Variants in DCDC1 observed in about 807,000 individuals in gnomAD.
DCDC1 encodes doublecortin domain-containing protein 1.
DCDC1 carries 200 observed loss-of-function variants against 178.3 expected under a neutral mutation model. The ratio of observed to expected loss-of-function variants is 1.12; its 90% confidence interval spans 1.00 to 1.26. The LOEUF is 1.26. Ranked by LOEUF, DCDC1 falls within the 50% of genes most tolerant of loss-of-function variation. The probability of loss-of-function intolerance (pLI) is 0.00; values close to 1 mark genes in which losing one functional copy is unlikely to be tolerated. For missense variants in DCDC1, 1,983 were observed against 1,749.2 expected (o/e 1.13, Z -2.38); for synonymous variants, 690 against 604.8 (o/e 1.14, Z -2.07).
chr11:31,186,393 A>G (rs1189212147), intron 9 of DCDC1, among the ~76,000 whole-genome samples: 1 of 152,106 alleles, frequency 6.6e-6, no homozygotes, highest in Non-Finnish European at 1.5e-5. Flanking sequence ...GGCCTCCTTG[A>G]GCAGCCACTC....
chr11:31,263,075 T>C, intron 8 of DCDC1: 1 of 1,612,706 alleles, frequency 6.2e-7, no homozygotes, highest in East Asian at 2.2e-5. Flanking sequence ...AGTGCTTTCC[T>C]GTTTTGATAA....
chr11:31,002,578 A>G (rs1951634884), intron 20 of DCDC1, among the ~76,000 whole-genome samples: 1 of 152,148 alleles, frequency 6.6e-6, no homozygotes, highest in Non-Finnish European at 1.5e-5. Flanking sequence ...AGTTTAGGGA[A>G]AGCAGCAAGA....
At chr11:30,933,109 C>T (rs1194063477) in intron 21 of DCDC1, among the ~76,000 whole-genome samples, 1 of 107,528 alleles carries the variant, frequency 9.3e-6, no homozygotes, top group Non-Finnish European at 2.1e-5. Flanking sequence ...TTTTGTTTCT[C>T]TTCAGTTTGT....
In DCDC1 at chr11:30,920,109, T is replaced by C. The variant is rs115334666; in HGVS notation, c.3293+667A>G. 9.8e-3 allele frequency among the ~76,000 whole-genome samples: 1,499 copies of C among 152,264 alleles called. 28 individuals are homozygous for C. Among genetic ancestry groups the C allele is most frequent in the African/African-American group, 0.034 (1,433 of 41,544 alleles). ...TCTGCAACAGAACATAAACAGAATGTGCAATATGCAGGCGACAGCTTGTCG... is the reference window on the plus strand; with the variant it reads ...TCTGCAACAGAACATAAACAGAATGCGCAATATGCAGGCGACAGCTTGTCG... On this transcript the variant is annotated intron_variant, in intron 25 of 38. Transcript: ENST00000684477.
At chr11:31,347,327 G>C (rs544181223) in intron 1 of DCDC1, among the ~76,000 whole-genome samples, 121 of 152,270 alleles carry the variant, frequency 7.9e-4, no homozygotes, top group Non-Finnish European at 1.5e-3. Context: ...TCCTTTCGTA[G>C]CTTGGTCTAG....
At chr11:31,115,913 C>T (rs116541909) in intron 11 of DCDC1, among the ~76,000 whole-genome samples, 1 of 145,410 alleles carries the variant, frequency 6.9e-6, no homozygotes, top group African/African-American at 2.5e-5. Context: ...AGGGTGGGAG[C>T]CTAATCTTGG....
At chr11:31,157,372 A>AAATATATAT (rs71060478) in intron 9 of DCDC1, among the ~76,000 whole-genome samples, 66 of 96,870 alleles carry the variant, frequency 6.8e-4, no homozygotes, top group Non-Finnish European at 1.0e-3. Context: ...AAAAAAAAAA[A>AAATATATAT]ATATATATAT....
chr11:31,071,321 A>T (rs1007912090), intron 18 of DCDC1, among the ~76,000 whole-genome samples: 3 of 152,170 alleles, frequency 2.0e-5, no homozygotes, highest in Non-Finnish European at 4.4e-5. Flanking sequence ...CACCATTCTA[A>T]GTAGTACTAT....
At chr11:31,088,832 G>A (rs1476213942) in intron 17 of DCDC1, among the ~76,000 whole-genome samples, 1 of 152,004 alleles carries the variant, frequency 6.6e-6, no homozygotes, top group Non-Finnish European at 1.5e-5. Flanking sequence ...CAAGGAGCTG[G>A]AACTACAGGT....
chr11:31,315,016 A>G (rs767104374), intron 3 of DCDC1, among the ~76,000 whole-genome samples: 1 of 152,194 alleles, frequency 6.6e-6, no homozygotes, highest in Non-Finnish European at 1.5e-5. Context: ...CTAAAAATAT[A>G]AGAAAATATT....
At chr11:30,930,231 G>C (rs1436587055) in intron 22 of DCDC1, among the ~76,000 whole-genome samples, 1 of 152,048 alleles carries the variant, frequency 6.6e-6, no homozygotes, top group African/African-American at 2.4e-5. Context: ...ACAACTCTAG[G>C]ATGCCATTCA....
chr11:30,915,745 A>C, intron 26 of DCDC1, 34 bp from the exon 27 acceptor site: 1 of 1,583,584 alleles, frequency 6.3e-7, no homozygotes, highest in East Asian at 2.3e-5. Flanking sequence ...GTGGCAGAAA[A>C]ATGTCCCATG....
chr11:30,990,520 T>A (rs945367804), intron 20 of DCDC1, among the ~76,000 whole-genome samples: 1 of 152,002 alleles, frequency 6.6e-6, no homozygotes, highest in African/African-American at 2.4e-5. Flanking sequence ...AGAGACAAGA[T>A]GTGAAACACT....
intron 20 of DCDC1, among the ~76,000 whole-genome samples, chr11:31,043,229 T>C (rs1954596574): frequency 6.6e-6 from 1 of 152,202 alleles, no homozygotes; most frequent in Non-Finnish European, 1.5e-5. Flanking sequence ...TTCCTTATGC[T>C]GTGTAATTGA....
chr11:30,985,227 T>C (rs1000659824), intron 20 of DCDC1, among the ~76,000 whole-genome samples: 3 of 152,070 alleles, frequency 2.0e-5, no homozygotes, highest in South Asian at 2.1e-4. Context: ...AGAAGGGGAG[T>C]CAGAAATGAA....
chr11:31,103,585 G>A, intron 14 of DCDC1, 59 bp downstream of exon 14: 1 of 676,222 alleles, frequency 1.5e-6, no homozygotes, highest in South Asian at 1.7e-5. Flanking sequence ...GAAAAATCCT[G>A]AATTAAGTGA....
At chr11:30,906,310 T>C (rs997801892) in intron 30 of DCDC1, 36 of 442,674 alleles carry the variant, frequency 8.1e-5, no homozygotes, top group African/African-American at 1.2e-4. Flanking sequence ...TGATTAAAGC[T>C]GCAGAAGTGC....
chr11:31,257,670 C>A (rs1196498613), intron 8 of DCDC1, among the ~76,000 whole-genome samples: 2 of 150,166 alleles, frequency 1.3e-5, no homozygotes, highest in Non-Finnish European at 3.0e-5. Context: ...CTGACCCAAG[C>A]ACACATATTT....
chr11:31,037,133 G>A (rs1954092430), intron 20 of DCDC1, among the ~76,000 whole-genome samples: 1 of 152,206 alleles, frequency 6.6e-6, no homozygotes, highest in Non-Finnish European at 1.5e-5. Flanking sequence ...GAAGTAGAGA[G>A]TGGGAATGCT....
Sources: allele counts gnomAD v4.1 joint callset (sites outside exome capture counted in the v4.1 genomes callset), GRCh38; gene constraint gnomAD v4.1.1; transcripts MANE v1.5; gene names NCBI Gene and HGNC (gene_info 2026-07-23, HGNC 2026-07-21).